DPYSL2: variants seen among roughly 807,000 people sequenced by gnomAD.
DPYSL2 encodes dihydropyrimidinase-related protein 2.
DPYSL2 carries 13 observed loss-of-function variants against 69.9 expected under a neutral mutation model. The observed-to-expected ratio is 0.19, with a 90% CI of 0.12 to 0.30. The LOEUF is 0.30. Ranked by LOEUF, DPYSL2 falls within the 10% of genes least tolerant of loss-of-function variation. DPYSL2 has a pLI of 1.00. For missense variants in DPYSL2, 587 were observed against 918.9 expected, an observed-to-expected ratio of 0.64 and a Z score of 4.67; for synonymous variants, 326 against 359.1, an observed-to-expected ratio of 0.91 and a Z score of 1.04.
intron 4 of DPYSL2, among the ~76,000 whole-genome samples, chr8:26,625,770 C>G (rs1167211693): frequency 6.6e-6 from 1 of 152,182 alleles, no homozygotes; most frequent in East Asian, 1.9e-4. Context: ...TTTCTTGTTA[C>G]AGTCGCAACA....
intron 3 of DPYSL2, among the ~76,000 whole-genome samples, chr8:26,595,990 T>C (rs941027361): frequency 1.3e-5 from 2 of 152,054 alleles, no homozygotes; most frequent in African/African-American, 2.4e-5. Context: ...TATTTATTTA[T>C]TTAGTACCTT....
intron 3 of DPYSL2, among the ~76,000 whole-genome samples, chr8:26,622,480 G>GTC (rs1404820446): frequency 1.1e-5 from 1 of 94,854 alleles, no homozygotes; most frequent in African/African-American, 4.2e-5. Context: ...GTGTATATGT[G>GTC]TGTGTGTGTG....
Position 26,648,044 on chromosome 8 carries a change from T to A in DPYSL2, c.1596+244T>A, listed in dbSNP as rs1255994842. On this transcript the variant is annotated intron_variant, in intron 11 of 13. Transcript: ENST00000521913. The surrounding 1 kb of genome is among the most constrained non-coding windows in gnomAD (Gnocchi z 4.3). ...CACAGCCTCTCTATCTATAGACCTT[T>A]AGAGCCTCTAAAGTGATGTCAGGAT... Among the ~76,000 whole-genome samples the A allele has an allele frequency of 6.6e-6, 1 of 152,176 alleles. No individual in the cohort carries two copies. The highest frequency in any genetic ancestry group is 2.4e-5 in the African/African-American group (1 of 41,444).
chr8:26,551,558 G>C (rs1287925878), intron 1 of DPYSL2, among the ~76,000 whole-genome samples: 1 of 152,082 alleles, frequency 6.6e-6, no homozygotes, highest in Non-Finnish European at 1.5e-5. Context: ...GGACATAACA[G>C]AACTAACACC....
At chr8:26,630,662 C>T (rs2129927778) in intron 7 of DPYSL2, among the ~76,000 whole-genome samples, 1 of 152,308 alleles carries the variant, frequency 6.6e-6, no homozygotes, top group Non-Finnish European at 1.5e-5. Context: ...GCACCATTTA[C>T]ATTCTACTGC....
At position 26,640,324 on chromosome 8, in the gene DPYSL2, C is replaced by A. The variant is rs1345759735; in HGVS notation, c.1127-3115C>A. Reference sequence around the variant, plus strand: ...CTGCCAGAGGCTGGCTTGGTCACATCCTTCAGTTTAGACTTTACCTGGAGA... The same window carrying A: ...CTGCCAGAGGCTGGCTTGGTCACATACTTCAGTTTAGACTTTACCTGGAGA... On this transcript the variant is annotated intron_variant, in intron 8 of 13. Transcript: ENST00000521913. This position sits in a 1 kb window ranked among gnomAD's most constrained non-coding sequence, Gnocchi z 4.2. Among the ~76,000 whole-genome samples, 1 of 152,240 alleles carries A rather than the reference C, an allele frequency of 6.6e-6. No individual in the cohort carries two copies. Among genetic ancestry groups the A allele is most frequent in the Non-Finnish European group, 1.5e-5 (1 of 68,052 alleles).
In DPYSL2 at chr8:26,578,381, G is replaced by A. The variant is rs1456095743; in HGVS notation, c.355-3588G>A. 10 of 1,591,214 alleles carry A rather than the reference G, an allele frequency of 6.3e-6. No individual in the cohort carries two copies. In the African/African-American group the frequency reaches 8.2e-5, roughly 13 times the overall value. ...AGGAATTTTTAAAAAGGAGGGGAAA[G>A]GAGAGGGACCGAACTTTTTTTTTCC... On this transcript the variant is annotated intron_variant, in intron 1 of 13. Transcript: ENST00000521913.
At chr8:26,539,602 T>G in intron 1 of DPYSL2, among the ~76,000 whole-genome samples, 1 of 152,144 alleles carries the variant, frequency 6.6e-6, no homozygotes, top group East Asian at 1.9e-4. Flanking sequence ...TACAGTGGTG[T>G]GATCTTAGCT....
At chr8:26,539,718 C>G (rs1563379148) in intron 1 of DPYSL2, among the ~76,000 whole-genome samples, 1 of 152,166 alleles carries the variant, frequency 6.6e-6, no homozygotes, top group Non-Finnish European at 1.5e-5. Flanking sequence ...TTTTGTCTGA[C>G]CTCAGCAGAC....
rs888882405 is a variant in DPYSL2 at position 26,587,881 on chromosome 8, T to C, written c.628+3898T>C. Among the ~76,000 whole-genome samples, 2 of 152,070 alleles carry C rather than the reference T, an allele frequency of 1.3e-5. No individual in the cohort carries two copies. The highest frequency in any genetic ancestry group is 2.9e-5 in the Non-Finnish European group (2 of 68,024). ...AGCAGCTGGGAACAGTTACCTCTAT[T>C]TTATAGAGGGGAAGACTGAGGCCGG... On this transcript the variant is annotated intron_variant, in intron 3 of 13. Transcript: ENST00000521913. This position sits in a 1 kb window ranked among gnomAD's most constrained non-coding sequence, Gnocchi z 4.2.
Position 26,620,303 on chromosome 8 carries a change from C to G in DPYSL2, c.629-3840C>G, listed in dbSNP as rs1411122109. Among the ~76,000 whole-genome samples the G allele has an allele frequency of 6.6e-6, 1 of 152,100 alleles. No homozygotes were observed. The highest frequency in any genetic ancestry group is 1.5e-5 in the Non-Finnish European group (1 of 68,032). On this transcript the variant is annotated intron_variant, in intron 3 of 13. Transcript: ENST00000521913. The surrounding 1 kb of genome is among the most constrained non-coding windows in gnomAD (Gnocchi z 4.5). Reference sequence around the variant, plus strand: ...GCAGTCTCTTGCTCTGTCACCCAAGCTGGAGTGCAGTGGTGCAATCTCAGC... The same window carrying G: ...GCAGTCTCTTGCTCTGTCACCCAAGGTGGAGTGCAGTGGTGCAATCTCAGC...
intron 1 of DPYSL2, among the ~76,000 whole-genome samples, chr8:26,538,758 C>T (rs1340832107): frequency 1.3e-5 from 2 of 152,174 alleles, no homozygotes; most frequent in African/African-American, 2.4e-5. Flanking sequence ...TTCCATGCCT[C>T]AGACACCAGC....
intron 1 of DPYSL2, among the ~76,000 whole-genome samples, chr8:26,544,989 A>G (rs888004350): frequency 6.6e-6 from 1 of 152,238 alleles, no homozygotes; most frequent in Non-Finnish European, 1.5e-5. Flanking sequence ...CACACTCAAC[A>G]TCAGAGCACC....
intron 7 of DPYSL2, 30 bp from the exon 8 acceptor site, chr8:26,634,750 A>G: frequency 6.2e-7 from 1 of 1,613,690 alleles, no homozygotes; most frequent in Non-Finnish European, 8.5e-7. Flanking sequence ...GGGCTGAGCC[A>G]CATTCTCATG....
intron 3 of DPYSL2, among the ~76,000 whole-genome samples, chr8:26,612,343 G>A (rs1000960536): frequency 3.3e-5 from 5 of 152,190 alleles, no homozygotes; most frequent in African/African-American, 1.2e-4. Flanking sequence ...ACTCTCCAGA[G>A]AAAACCGTTT....
At chr8:26,596,922 T>C (rs938797916) in intron 3 of DPYSL2, among the ~76,000 whole-genome samples, 1 of 152,198 alleles carries the variant, frequency 6.6e-6, no homozygotes, top group Non-Finnish European at 1.5e-5. Context: ...AGCACCCACC[T>C]TGAGTTTGCC....
At chr8:26,559,959 A>G (rs1001837712) in intron 1 of DPYSL2, among the ~76,000 whole-genome samples, 4 of 152,180 alleles carry the variant, frequency 2.6e-5, no homozygotes, top group African/African-American at 9.7e-5. Flanking sequence ...CTCATCAACC[A>G]CACCTGGAGA....
At chr8:26,600,850 T>C (rs1801975592) in intron 3 of DPYSL2, among the ~76,000 whole-genome samples, 1 of 152,232 alleles carries the variant, frequency 6.6e-6, no homozygotes, top group Non-Finnish European at 1.5e-5. Flanking sequence ...TCTCACCGCA[T>C]GGCTGAGAGT....
Position 26,640,938 on chromosome 8 carries a change from A to C in DPYSL2, c.1127-2501A>C, listed in dbSNP as rs1175401867. On this transcript the variant is annotated intron_variant, in intron 8 of 13. Coordinates refer to ENST00000521913, the MANE Select transcript of DPYSL2 (RefSeq NM_001197293.3). This position sits in a 1 kb window ranked among gnomAD's most constrained non-coding sequence, Gnocchi z 4.2. ...TGGGTTTTCTAGAGGCAGAAGGCCA[A>C]GTTCATTCTCTTGAAGTGAGGTAGA... 1.3e-5 allele frequency among the ~76,000 whole-genome samples: 2 copies of C among 152,192 alleles called. No homozygotes were observed. The highest frequency in any genetic ancestry group is 2.9e-5 in the Non-Finnish European group (2 of 68,032).
Sources: allele counts gnomAD v4.1 joint callset (sites outside exome capture counted in the v4.1 genomes callset), GRCh38; gene constraint gnomAD v4.1.1; non-coding constraint Gnocchi (gnomAD v3.1); transcripts MANE v1.5; gene names NCBI Gene and HGNC (gene_info 2026-07-23, HGNC 2026-07-21).